The following DNAH14 variants were observed in gnomAD, a reference collection of about 807,000 sequenced individuals.
The protein encoded by DNAH14 is axonemal beta dynein heavy chain 14.
In DNAH14, 478 loss-of-function variants were observed where a neutral mutation model predicts 520.9. That is an observed-to-expected ratio of 0.92 (90% CI 0.85 to 0.99). DNAH14 has a LOEUF of 0.99. Ranked by LOEUF, DNAH14 falls within the 50% of genes least tolerant of loss-of-function variation. DNAH14 has a pLI of 0.00. For synonymous variants in DNAH14, 1,581 were observed against 1,757.2 expected, an observed-to-expected ratio of 0.90 and a Z score of 2.51; for missense variants, 4,831 against 5,234.5, an observed-to-expected ratio of 0.92 and a Z score of 2.38.
Position 225,340,634 on chromosome 1 carries a change from T to G in DNAH14, c.10611T>G (p.Ile3537Met). 6.4e-7 allele frequency: 1 copy of G among 1,551,458 alleles called. No individual in the cohort carries two copies. The highest frequency in any genetic ancestry group is 1.4e-5 in the African/African-American group (1 of 73,156). ...EDQRSKLLES[I>M]SLDAITLEEL... Reference sequence around the variant, plus strand: ...AACGTTCCAAGTTACTGGAGAGTATTTCCCTTGATGCCATAACTCTTGAAG... The same window carrying G: ...AACGTTCCAAGTTACTGGAGAGTATGTCCCTTGATGCCATAACTCTTGAAG... Residue 3537 changes from isoleucine to methionine, a missense_variant, in exon 69 of 86, where the codon ATT (isoleucine) becomes ATG (methionine). Physicochemically the swap from Ile to Met is conservative, Grantham distance 10 (BLOSUM62 1). Coordinates refer to ENST00000682510, the MANE Select transcript of DNAH14 (RefSeq NM_001367479.1).
At chr1:224,961,006 T>C (rs1206009037) in intron 4 of DNAH14, 1 of 152,212 alleles carries the variant, frequency 6.6e-6, no homozygotes, top group Non-Finnish European at 1.5e-5. Context: ...AAAGGACCTG[T>C]GACTGCTTCT....
At chr1:224,975,674 C>T (rs1455937264) in intron 8 of DNAH14, among the ~76,000 whole-genome samples, 1 of 151,258 alleles carries the variant, frequency 6.6e-6, no homozygotes, top group Non-Finnish European at 1.5e-5. Context: ...TTTCAAAAAA[C>T]CAGCTCCTGG....
At position 225,304,963 on chromosome 1, in the gene DNAH14, A is replaced by C; in HGVS notation, c.8879A>C (p.Asp2960Ala). ...TCVQIHKSMKDLNRKYFEETG... is the reference protein window; with the variant it reads ...TCVQIHKSMKALNRKYFEETG... The stretch of plus-strand genomic sequence containing the variant: ...GTCCAAATCCACAAAAGCATGAAAG[A>C]CTTGAACAGAAAATACTTTGAAGAA... The change falls in exon 58 of 86, where the codon GAC becomes GCC. Residue 2960 changes from aspartate (D) to alanine (A), a missense_variant. Physicochemically the swap from Asp to Ala is moderately radical, Grantham distance 126. Transcript: ENST00000682510. The C allele has an allele frequency of 1.3e-6, 2 of 1,543,310 alleles. No homozygotes were observed. The highest frequency in any genetic ancestry group is 1.7e-6 in the Non-Finnish European group (2 of 1,145,250).
intron 67 of DNAH14, 138 bp downstream of exon 67, chr1:225,337,634 C>T: frequency 1.5e-6 from 1 of 677,132 alleles, no homozygotes; most frequent in South Asian, 2.0e-5. Context: ...TATATACTTA[C>T]AGACAGAGAG....
chr1:225,378,625 G>A (rs140610878), intron 79 of DNAH14, among the ~76,000 whole-genome samples: 156 of 152,280 alleles, frequency 1.0e-3, no homozygotes, highest in African/African-American at 3.6e-3. Flanking sequence ...GCTCACGCCT[G>A]TGATGCCAGC....
At chr1:225,174,111 T>TG (rs1312368426) in intron 36 of DNAH14, among the ~76,000 whole-genome samples, 1 of 150,962 alleles carries the variant, frequency 6.6e-6, no homozygotes, top group Non-Finnish European at 1.5e-5. Flanking sequence ...GGGCCTGTTG[T>TG]GGGGTTGGGG....
intron 44 of DNAH14, among the ~76,000 whole-genome samples, chr1:225,256,303 G>T (rs140517466): frequency 1.3e-5 from 2 of 152,114 alleles, no homozygotes; most frequent in Non-Finnish European, 1.5e-5. Flanking sequence ...GAATTAGTGC[G>T]CACGTGTTGG....
intron 21 of DNAH14, among the ~76,000 whole-genome samples, chr1:225,088,867 A>G (rs753084494): frequency 2.0e-5 from 3 of 152,214 alleles, no homozygotes; most frequent in Non-Finnish European, 4.4e-5. Flanking sequence ...TAAAATACGC[A>G]AATTACTAAA....
chr1:225,182,984 C>A (rs2084229363), intron 36 of DNAH14, among the ~76,000 whole-genome samples: 1 of 152,188 alleles, frequency 6.6e-6, no homozygotes, highest in Non-Finnish European at 1.5e-5. Flanking sequence ...TGTGGCCCTG[C>A]ATGAGATCAG....
chr1:225,194,148 T>C (rs2085803500), intron 38 of DNAH14, among the ~76,000 whole-genome samples: 1 of 152,146 alleles, frequency 6.6e-6, no homozygotes. Flanking sequence ...CTTAATGCTA[T>C]TCCTATCAAC....
intron 13 of DNAH14, among the ~76,000 whole-genome samples, chr1:225,043,391 A>C (rs973000099): frequency 6.6e-6 from 1 of 151,896 alleles, no homozygotes; most frequent in Non-Finnish European, 1.5e-5. Flanking sequence ...TTATGATTTT[A>C]TAAATCTTAA....
chr1:225,321,721 G>A (rs959132808), intron 61 of DNAH14, among the ~76,000 whole-genome samples: 2 of 152,120 alleles, frequency 1.3e-5, no homozygotes, highest in Non-Finnish European at 2.9e-5. Context: ...TTACCTAACA[G>A]TCCAGTGGCA....
At chr1:224,986,566 G>A (rs1198509035) in intron 8 of DNAH14, among the ~76,000 whole-genome samples, 2 of 151,996 alleles carry the variant, frequency 1.3e-5, no homozygotes, top group Non-Finnish European at 2.9e-5. Flanking sequence ...ACAGAATGAA[G>A]GACAAAAACC....
At position 225,082,774 on chromosome 1, in the gene DNAH14, A is replaced by T. The variant is rs7515136; in HGVS notation, c.3327+35A>T. The T allele has an allele frequency of 0.014, 20,933 of 1,517,680 alleles. 2,101 individuals carry two copies. In the African/African-American group the frequency reaches 0.24, roughly 17 times the overall value. The allele number at this position is 1,517,680 out of a possible 1,614,324, so 94.0% of individuals were successfully genotyped here. A position where few individuals can be genotyped will look rare whatever the true frequency, so the allele number is the denominator to read the frequency against. On this transcript the variant is annotated intron_variant, in intron 20 of 85. Transcript: ENST00000682510. ...AATGGTTTTTTAAAAAAATAGGTTG[A>T]AATACCAGATGGGCCAATTTTAAAT...
In DNAH14 at chr1:225,240,822, G is replaced by T. The variant is rs1400792092; in HGVS notation, c.6748G>T (p.Gly2250Cys). ...ATTATTTGGAAACAGTTCACAAGTA[G>T]GTAAGTTCTGTGGGAAAAATCATAA... Reference protein sequence around the residue: ...HELFGNSSQVGINLPTGECSI... With the variant: ...HELFGNSSQVCINLPTGECSI... The change falls in exon 43 of 86, where the codon GGC (glycine) becomes TGC (cysteine). Residue 2250 changes from glycine to cysteine, a missense_variant and splice_region_variant. Transcript: ENST00000682510. 1 of 1,538,232 alleles carries T rather than the reference G, an allele frequency of 6.5e-7. No homozygotes were observed. Among genetic ancestry groups the T allele is most frequent in the Non-Finnish European group, 8.8e-7 (1 of 1,136,928 alleles).
At chr1:224,978,044 C>T (rs980720341) in intron 8 of DNAH14, among the ~76,000 whole-genome samples, 3 of 152,108 alleles carry the variant, frequency 2.0e-5, no homozygotes, top group Non-Finnish European at 4.4e-5. Context: ...GAAAAGATAA[C>T]TCTTATACAC....
intron 43 of DNAH14, among the ~76,000 whole-genome samples, chr1:225,247,812 GTCAGGA>G (rs1317616697): frequency 2.0e-5 from 3 of 152,070 alleles, no homozygotes; most frequent in Admixed American, 1.3e-4. Context: ...GGATCACGAA[GTCAGGA>G]GACCTCCTGG....
intron 23 of DNAH14, among the ~76,000 whole-genome samples, chr1:225,104,924 C>A (rs1221769475): frequency 3.9e-5 from 6 of 152,140 alleles, no homozygotes; most frequent in Admixed American, 6.5e-5. Context: ...TTGCCTTCTG[C>A]AAGCTTTTGA....
At chr1:225,389,904 C>T (rs1228895371) in intron 83 of DNAH14, 31 bp downstream of exon 83, 4 of 1,547,930 alleles carry the variant, frequency 2.6e-6, no homozygotes, top group Non-Finnish European at 3.5e-6. Flanking sequence ...CAGCTCCAGA[C>T]CTGGCCCAGG....
Sources: allele counts gnomAD v4.1 joint callset (sites outside exome capture counted in the v4.1 genomes callset), GRCh38; gene constraint gnomAD v4.1.1; transcripts MANE v1.5; gene names NCBI Gene and HGNC (gene_info 2026-07-23, HGNC 2026-07-21).